The following ATP10A variants were observed in gnomAD, a reference collection of about 807,000 sequenced individuals.
The protein encoded by ATP10A is ATPase phospholipid transporting 10A (putative).
In ATP10A, 111 loss-of-function variants were observed where a neutral mutation model predicts 147.8. That is an observed-to-expected ratio of 0.75 (90% CI 0.64 to 0.88). ATP10A has a LOEUF of 0.88. Ranked by LOEUF, ATP10A falls within the 40% of genes least tolerant of loss-of-function variation. ATP10A has a pLI of 0.00. For synonymous variants in ATP10A, 875 were observed against 841.6 expected (o/e 1.04, Z -0.69); for missense variants, 1,927 against 1,959.0 (o/e 0.98, Z 0.31).
chr15:25,804,450 G>T (rs1467336190), intron 1 of ATP10A, among the ~76,000 whole-genome samples: 1 of 133,110 alleles, frequency 7.5e-6, no homozygotes, highest in Non-Finnish European at 1.6e-5. Context: ...GTGTGTCTGT[G>T]TGCATGGTGT....
chr15:25,721,958 C>T lies in ATP10A; in HGVS notation c.1111-49G>A, dbSNP rs774076833. 102 of 1,562,230 alleles carry T rather than the reference C, an allele frequency of 6.5e-5. 1 individual carries two copies. Among genetic ancestry groups the T allele is most frequent in the Non-Finnish European group, 3.5e-6 (4 of 1,142,856 alleles). On this transcript the variant is annotated intron_variant, in intron 6 of 20. Coordinates refer to ENST00000555815, the MANE Select transcript of ATP10A (RefSeq NM_024490.4). ...ATGAATGACCGTGAGGACCAGGGAG[C>T]TGGGGAATTACTCAAATCTATTTAA...
At chr15:25,783,288 C>A (rs909809842) in intron 1 of ATP10A, among the ~76,000 whole-genome samples, 3 of 152,210 alleles carry the variant, frequency 2.0e-5, no homozygotes, top group Non-Finnish European at 4.4e-5. Flanking sequence ...CCTACACCCC[C>A]CATAAAACTC....
intron 9 of ATP10A, 138 bp downstream of exon 9, chr15:25,716,592 C>T (rs1901825206): frequency 1.2e-6 from 1 of 808,586 alleles, no homozygotes. Context: ...AAGCACCCCA[C>T]CGCATCCCCC....
intron 9 of ATP10A, 53 bp downstream of exon 9, chr15:25,716,677 T>C (rs1351967107): frequency 1.1e-5 from 16 of 1,456,960 alleles, no homozygotes; most frequent in Admixed American, 4.6e-5. Flanking sequence ...CTGACAACCA[T>C]GGCCCGCAGC....
intron 1 of ATP10A, among the ~76,000 whole-genome samples, chr15:25,850,648 C>T (rs181717696): frequency 6.7e-5 from 10 of 149,480 alleles, no homozygotes; most frequent in East Asian, 2.0e-4. Flanking sequence ...TCCCTCCCCC[C>T]CCAGCCCCGG....
intron 1 of ATP10A, among the ~76,000 whole-genome samples, chr15:25,824,558 T>G (rs200888600): frequency 0.18 from 1,196 of 6,708 alleles, 20 homozygotes; most frequent in African/African-American, 0.21. Flanking sequence ...TTTTTGTGTG[T>G]GTTTTTTTTT....
intron 3 of ATP10A, among the ~76,000 whole-genome samples, chr15:25,735,728 C>T (rs8032903): frequency 0.72 from 109,058 of 152,014 alleles, 41,056 homozygotes; most frequent in Non-Finnish European, 0.85. Flanking sequence ...CCTGCTTCCA[C>T]GTTAACGGGG....
chr15:25,795,230 C>T (rs1259659806), intron 1 of ATP10A, among the ~76,000 whole-genome samples: 1 of 152,196 alleles, frequency 6.6e-6, no homozygotes, highest in African/African-American at 2.4e-5. Flanking sequence ...GCATCCCCAC[C>T]TTCTCAGCCA....
chr15:25,718,351 A>ACCT lies in ATP10A; in HGVS notation c.1409_1411dup (p.Glu470dup), dbSNP rs746131955. On this transcript the variant is annotated inframe_insertion, in exon 8 of 21. Coordinates refer to ENST00000555815, the MANE Select transcript of ATP10A (RefSeq NM_024490.4). Reference sequence around the variant, plus strand: ...GGACACCGAGCCCCCTCTGGGCACCACCTCCTCCTCCTCCGAGTCTGCCTC... The same window carrying ACCT: ...GGACACCGAGCCCCCTCTGGGCACCACCTCCTCCTCCTCCTCCGAGTCTGCCTC... 1 of 1,608,898 alleles carries ACCT rather than the reference A, an allele frequency of 6.2e-7. No individual in the cohort carries two copies. The highest frequency in any genetic ancestry group is 1.1e-5 in the South Asian group (1 of 90,480).
At position 25,718,337 on chromosome 15, in the gene ATP10A, C is replaced by T. The variant is rs116055743; in HGVS notation, c.1426G>A (p.Gly476Ser). 1,839 of 1,610,636 alleles carry T rather than the reference C, an allele frequency of 1.1e-3. 19 individuals are homozygous for T. The African/African-American group carries it at 0.022, about 20-fold the overall frequency. The change falls in exon 8 of 21, where the codon GGC becomes AGC. Residue 476 changes from glycine (G) to serine (S), a missense_variant. Coordinates refer to ENST00000555815, the MANE Select transcript of ATP10A (RefSeq NM_024490.4). Reference protein sequence around the residue: ...SEEEEVVPRGGSVSQRGSIGS... With the variant: ...SEEEEVVPRGSSVSQRGSIGS... Reference sequence around the variant, plus strand: ...ATGCTGCCGCGCTGGGACACCGAGCCCCCTCTGGGCACCACCTCCTCCTCC... The same window carrying T: ...ATGCTGCCGCGCTGGGACACCGAGCTCCCTCTGGGCACCACCTCCTCCTCC...
At chr15:25,801,996 G>T (rs1359505981) in intron 1 of ATP10A, among the ~76,000 whole-genome samples, 1 of 152,196 alleles carries the variant, frequency 6.6e-6, no homozygotes, top group Non-Finnish European at 1.5e-5. Flanking sequence ...GAGAACACGA[G>T]ATCTGCAGGA....
chr15:25,692,027 T>C (rs1056069850), intron 14 of ATP10A, among the ~76,000 whole-genome samples: 4 of 152,118 alleles, frequency 2.6e-5, no homozygotes, highest in Admixed American at 2.6e-4. Flanking sequence ...AGCCACCTGG[T>C]ACATGGCGCC....
chr15:25,688,740 C>T (rs531564052), intron 15 of ATP10A, among the ~76,000 whole-genome samples: 15 of 152,310 alleles, frequency 9.8e-5, no homozygotes, highest in African/African-American at 2.9e-4. Context: ...TCAAGTGGTA[C>T]GCTTGAAATG....
At chr15:25,708,523 G>A (rs1013438790) in intron 10 of ATP10A, 19 of 494,040 alleles carry the variant, frequency 3.8e-5, no homozygotes, top group African/African-American at 1.2e-4. Flanking sequence ...GTTTTGCCAC[G>A]TTGCCCAGGC....
At chr15:25,680,686 G>A in intron 19 of ATP10A, 124 bp downstream of exon 19, 1 of 891,280 alleles carries the variant, frequency 1.1e-6, no homozygotes, top group African/African-American at 1.7e-5. Flanking sequence ...TCATCACACT[G>A]AGGTCAGCTT....
chr15:25,830,090 G>C (rs11161235), intron 1 of ATP10A, among the ~76,000 whole-genome samples: 1 of 151,946 alleles, frequency 6.6e-6, no homozygotes, highest in East Asian at 1.9e-4. Flanking sequence ...GCGGTGGGCA[G>C]CCAGGTCCAA....
intron 1 of ATP10A, among the ~76,000 whole-genome samples, chr15:25,839,102 C>T (rs1441703092): frequency 2.0e-5 from 3 of 152,156 alleles, no homozygotes; most frequent in Non-Finnish European, 4.4e-5. Context: ...ATCCAATACC[C>T]ATTCTGTTTA....
chr15:25,717,112 T>C (rs1473327218), intron 8 of ATP10A, among the ~76,000 whole-genome samples, 188 bp from the exon 9 acceptor site: 1 of 152,262 alleles, frequency 6.6e-6, no homozygotes, highest in Non-Finnish European at 1.5e-5. Flanking sequence ...ACAGAGCTTC[T>C]ATCCACTTTG....
At chr15:25,812,352 G>GT (rs1267513369) in intron 1 of ATP10A, among the ~76,000 whole-genome samples, 3 of 152,136 alleles carry the variant, frequency 2.0e-5, no homozygotes, top group Non-Finnish European at 4.4e-5. Context: ...AGCTCTATTT[G>GT]TTTCTACTTT....
Sources: allele counts gnomAD v4.1 joint callset (sites outside exome capture counted in the v4.1 genomes callset), GRCh38; gene constraint gnomAD v4.1.1; transcripts MANE v1.5; gene names NCBI Gene and HGNC (gene_info 2026-07-23, HGNC 2026-07-21).